The following CEP162 variants were observed in gnomAD, a reference collection of about 807,000 sequenced individuals.
CEP162 encodes the protein centrosomal protein of 162 kDa.
CEP162 carries 141 observed loss-of-function variants against 169.2 expected under a neutral mutation model. That is an observed-to-expected ratio of 0.83 (90% CI 0.73 to 0.96). The LOEUF (loss-of-function observed/expected upper bound fraction) is 0.96, where lower values mean the gene tolerates loss of function less well. Among genes scored for constraint, CEP162 ranks in the 40% least tolerant of loss-of-function variants. The probability of loss-of-function intolerance (pLI) is 0.00; values close to 1 mark genes in which losing one functional copy is unlikely to be tolerated. For synonymous variants in CEP162, 540 were observed against 526.4 expected, an observed-to-expected ratio of 1.03 and a Z score of -0.35; for missense variants, 1,600 against 1,587.2, an observed-to-expected ratio of 1.01 and a Z score of -0.14.
chr6:84,218,246 A>G (rs561531889), intron 3 of CEP162, among the ~76,000 whole-genome samples: 55 of 152,342 alleles, frequency 3.6e-4, no homozygotes, highest in African/African-American at 1.2e-3. Flanking sequence ...GTACAGAAGC[A>G]TGACAATGGG....
intron 21 of CEP162, among the ~76,000 whole-genome samples, chr6:84,159,523 T>TTTTATATATATATATATATATATATA (rs1244967462): frequency 5.4e-5 from 2 of 37,142 alleles, no homozygotes; most frequent in African/African-American, 2.2e-4. Flanking sequence ...AATTAATTAT[T>TTTTATATATATATATATATATATATA]TATATATATA....
At chr6:84,157,097 A>C (rs959121594) in intron 21 of CEP162, among the ~76,000 whole-genome samples, 1 of 152,128 alleles carries the variant, frequency 6.6e-6, no homozygotes, top group Non-Finnish European at 1.5e-5. Flanking sequence ...CTGCAATTGT[A>C]CCCCCTAAAT....
At chr6:84,139,862 T>G (rs1312871985) in intron 25 of CEP162, among the ~76,000 whole-genome samples, 1 of 149,348 alleles carries the variant, frequency 6.7e-6, no homozygotes, top group Non-Finnish European at 1.5e-5. Context: ...TCATTTGTTG[T>G]GAGAAGGAGA....
At chr6:84,161,029 T>C (rs957299428) in intron 20 of CEP162, 113 bp from the exon 21 acceptor site, 4 of 741,068 alleles carry the variant, frequency 5.4e-6, no homozygotes, top group Non-Finnish European at 4.5e-6. Flanking sequence ...TCAGCAAAAT[T>C]TGGGGAATTA....
intron 18 of CEP162, among the ~76,000 whole-genome samples, chr6:84,168,858 A>G (rs1308893380): frequency 2.6e-5 from 4 of 152,202 alleles, no homozygotes; most frequent in Non-Finnish European, 5.9e-5. Context: ...GAATATAAAT[A>G]CTTGTAAGAT....
intron 5 of CEP162, among the ~76,000 whole-genome samples, chr6:84,214,271 T>G (rs2099550699): frequency 6.6e-6 from 1 of 152,138 alleles, no homozygotes; most frequent in Non-Finnish European, 1.5e-5. Flanking sequence ...AGAGCGAGAC[T>G]CCGTCTCAAA....
chr6:84,129,350 T>G lies in CEP162; in HGVS notation c.3871-2838A>C, dbSNP rs969130868. On this transcript the variant is annotated intron_variant, in intron 25 of 26. Coordinates refer to ENST00000403245, the MANE Select transcript of CEP162 (RefSeq NM_014895.4). ...CTATTTCTCCGCATCCTCTCCAGCA[T>G]CTGTTTCCTGACTTTTTAATGATCG... 3.3e-5 allele frequency among the ~76,000 whole-genome samples: 5 copies of G among 151,896 alleles called. No individual in the cohort carries two copies. In the South Asian group the frequency reaches 1.0e-3, roughly 32 times the overall value.
intron 18 of CEP162, among the ~76,000 whole-genome samples, chr6:84,164,896 T>C (rs967542166): frequency 6.6e-6 from 1 of 151,944 alleles, no homozygotes; most frequent in African/African-American, 2.4e-5. Context: ...AAAAGAAAAC[T>C]CCCTGCTGGC....
At chr6:84,180,591 A>C (rs181103855) in intron 13 of CEP162, among the ~76,000 whole-genome samples, 10 of 150,686 alleles carry the variant, frequency 6.6e-5, no homozygotes, top group Admixed American at 5.3e-4. Context: ...TGTATTTAGA[A>C]TACCCCATTG....
chr6:84,190,689 C>CACATCTGAACATCAGAAGGG (rs1588840725), intron 11 of CEP162, among the ~76,000 whole-genome samples: 1 of 152,268 alleles, frequency 6.6e-6, no homozygotes, highest in East Asian at 1.9e-4. Flanking sequence ...AAACTCCGAA[C>CACATCTGAACATCAGAAGGG]ACATCTGAAC....
chr6:84,194,889 T>C lies in CEP162; in HGVS notation c.1022A>G (p.Glu341Gly), dbSNP rs535076185. The stretch of plus-strand genomic sequence containing the variant: ...ATTCATCTGTAAGTTTTTACCAGAT[T>C]CCATAGTAGAGATGTTTTTTGAATT... ...EENSKNISTM[E>G]SDLPTVEELM... is the part of the protein sequence containing the mutation. The change falls in exon 10 of 27, where the codon GAA becomes GGA. Residue 341 changes from glutamate to glycine, a missense_variant. Coordinates refer to ENST00000403245, the MANE Select transcript of CEP162 (RefSeq NM_014895.4). 4 of 1,598,360 alleles carry C rather than the reference T, an allele frequency of 2.5e-6. No homozygotes were observed. Among genetic ancestry groups the C allele is most frequent in the Non-Finnish European group, 3.4e-6 (4 of 1,172,484 alleles).
intron 12 of CEP162, 81 bp from the exon 13 acceptor site, chr6:84,185,529 A>G (rs1248222094): frequency 1.7e-6 from 2 of 1,192,086 alleles, no homozygotes; most frequent in East Asian, 4.8e-5. Flanking sequence ...TAGATGGCAA[A>G]ACAATAGTGA....
chr6:84,161,603 A>G, intron 20 of CEP162, 143 bp downstream of exon 20: 2 of 671,474 alleles, frequency 3.0e-6, no homozygotes, highest in Admixed American at 3.3e-5. Flanking sequence ...AATAGACTAT[A>G]TATCTAAAAG....
In CEP162 at chr6:84,128,978, G is replaced by A. The variant is rs2129183447; in HGVS notation, c.3871-2466C>T. Among the ~76,000 whole-genome samples the A allele has an allele frequency of 2.6e-5, 4 of 152,212 alleles. 1 individual carries two copies. The South Asian group carries it at 8.3e-4, about 32-fold the overall frequency. On this transcript the variant is annotated intron_variant, in intron 25 of 26. Transcript: ENST00000403245. The stretch of plus-strand genomic sequence containing the variant: ...GTTCTTGCCTTAGTTTGCTGAGAAT[G>A]ATGGTTTCCAGCTTCATCCATGTTC...
At chr6:84,137,441 T>G (rs1002529262) in intron 25 of CEP162, among the ~76,000 whole-genome samples, 11 of 152,178 alleles carry the variant, frequency 7.2e-5, no homozygotes, top group Admixed American at 3.9e-4. Context: ...AGTAAGAATT[T>G]TGATAATTCT....
chr6:84,216,098 A>C, intron 3 of CEP162, 176 bp from the exon 4 acceptor site: 1 of 787,132 alleles, frequency 1.3e-6, no homozygotes, highest in East Asian at 3.1e-5. Context: ...TTATAATTCT[A>C]TTTGGTGGCA....
In CEP162 at chr6:84,204,022, T is replaced by C. The variant is rs192622921; in HGVS notation, c.646A>G (p.Lys216Glu). 18 of 1,610,858 alleles carry C rather than the reference T, an allele frequency of 1.1e-5. No individual in the cohort carries two copies. In the Admixed American group the frequency reaches 1.8e-4, roughly 17 times the overall value. ...ATTTTTTCTGATTTGGAATTCTCTT[T>C]GGAAGGCATCTCTTCATCTTTAGTA... ...LTTKDEEMPS[K>E]ENSKSEKISV... The change falls in exon 7 of 27, where the codon AAA becomes GAA. Residue 216 changes from lysine (K) to glutamate (E), a missense_variant. Physicochemically the swap from Lys to Glu is moderately conservative, Grantham distance 56 (BLOSUM62 1). Transcript: ENST00000403245.
intron 25 of CEP162, among the ~76,000 whole-genome samples, chr6:84,139,289 A>G (rs960280904): frequency 1.3e-5 from 2 of 152,178 alleles, no homozygotes; most frequent in Non-Finnish European, 2.9e-5. Flanking sequence ...TTTGTAGCCT[A>G]AAAACGACTT....
At chr6:84,168,903 G>A (rs1222206786) in intron 18 of CEP162, among the ~76,000 whole-genome samples, 3 of 152,082 alleles carry the variant, frequency 2.0e-5, no homozygotes, top group Non-Finnish European at 4.4e-5. Flanking sequence ...AGTCTACTTC[G>A]GAAGACAGGT....
Sources: gnomAD v4.1 joint callset for allele counts (sites outside exome capture counted in the v4.1 genomes callset) on GRCh38, gnomAD v4.1.1 for gene constraint, MANE v1.5 for transcripts, NCBI Gene and HGNC (gene_info 2026-07-23, HGNC 2026-07-21) for gene names.